The following CPLANE1 variants were observed in gnomAD, a reference collection of about 807,000 sequenced individuals.
The protein encoded by CPLANE1 is ciliogenesis and planar polarity effector complex subunit 1, also known as ciliogenesis and planar polarity effector 1.
Under a neutral mutation model 362.5 loss-of-function variants are expected in CPLANE1, and 263 were observed. The ratio of observed to expected loss-of-function variants is 0.73; its 90% CI spans 0.66 to 0.80. CPLANE1 has a LOEUF of 0.80. Ranked by LOEUF, CPLANE1 falls within the 30% of genes least tolerant of loss-of-function variation. CPLANE1 has a pLI of 0.00. For synonymous variants in CPLANE1, 1,212 were observed against 1,302.6 expected, an observed-to-expected ratio of 0.93 and a Z score of 1.50; for missense variants, 3,461 against 3,793.4, an observed-to-expected ratio of 0.91 and a Z score of 2.30.
At chr5:37,222,347 A>G (rs1378934171) in intron 14 of CPLANE1, among the ~76,000 whole-genome samples, 1 of 152,194 alleles carries the variant, frequency 6.6e-6, no homozygotes, top group African/African-American at 2.4e-5. Flanking sequence ...TGCCTAGAGC[A>G]TGGATGTGAT....
rs1376836151 is a variant in CPLANE1, at chr5:37,201,713, T to C, written c.3385A>G (p.Thr1129Ala). 6.2e-7 allele frequency: 1 copy of C among 1,614,110 alleles called. No homozygotes were observed. Among genetic ancestry groups the C allele is most frequent in the Non-Finnish European group, 8.5e-7 (1 of 1,179,950 alleles). Residue 1129 changes from threonine to alanine, a missense_variant, in exon 19 of 53, where the codon ACA (threonine) becomes GCA (alanine). Physicochemically the swap from Thr to Ala is moderately conservative, Grantham distance 58 (BLOSUM62 0). Transcript: ENST00000651892. ...VMADADILSE[T>A]FQLLIDSAKD... ...GCAGAGTCTATCAGAAGTTGAAATG[T>C]CTCCGAAAGAATATCTGCATCGGCC...
rs1157357610 is a variant in CPLANE1, at chr5:37,227,376, A to G, written c.1388T>C (p.Leu463Pro). The stretch of plus-strand genomic sequence containing the variant: ...TAGGGAATTCAGTGATCGCAAGTTC[A>G]GTCCTTTGCCTTTTGGCTAAAGAAG... ...VILSKPKGKG[L>P]NLRSLNSLRS... Residue 463 changes from leucine (L) to proline (P), a missense_variant, in exon 11 of 53, where the codon CTG (leucine) becomes CCG (proline). This residue lies in a region of CPLANE1 where 3,380 missense variants were observed against 3,666.1 expected (regional missense o/e 0.92). Coordinates refer to ENST00000651892, the MANE Select transcript of CPLANE1 (RefSeq NM_001384732.1). 4.6e-6 allele frequency: 7 copies of G among 1,538,376 alleles called. No individual in the cohort carries two copies. The Admixed American group carries it at 1.5e-4, about 32-fold the overall frequency.
At chr5:37,147,254 G>A (rs1378497097) in intron 43 of CPLANE1, among the ~76,000 whole-genome samples, 2 of 152,138 alleles carry the variant, frequency 1.3e-5, no homozygotes, top group Non-Finnish European at 2.9e-5. Context: ...ACTATCCTCA[G>A]CCACAAGGGA....
intron 51 of CPLANE1, among the ~76,000 whole-genome samples, chr5:37,113,965 A>G (rs542787653): frequency 1.3e-5 from 2 of 152,256 alleles, no homozygotes; most frequent in Non-Finnish European, 2.9e-5. Context: ...GGCACATGCC[A>G]CCACGCCCAG....
intron 43 of CPLANE1, among the ~76,000 whole-genome samples, chr5:37,145,772 A>G (rs1324092901): frequency 6.6e-6 from 1 of 152,228 alleles, no homozygotes; most frequent in Non-Finnish European, 1.5e-5. Context: ...TGGCAAAAAA[A>G]CCACCATGAA....
At chr5:37,223,224 A>T (rs1400453014) in intron 14 of CPLANE1, among the ~76,000 whole-genome samples, 1 of 152,148 alleles carries the variant, frequency 6.6e-6, no homozygotes, top group East Asian at 1.9e-4. Context: ...TACTCTGTTA[A>T]GTCATTCCCA....
intron 16 of CPLANE1, chr5:37,212,297 C>A: frequency 1.9e-6 from 2 of 1,042,326 alleles, no homozygotes; most frequent in South Asian, 1.3e-5. Context: ...TCCAGGAAGG[C>A]TCCCTAGTGG....
At chr5:37,080,909 A>G in the CPLANE1 span, among the ~76,000 whole-genome samples, 1 of 152,234 alleles carries the variant, frequency 6.6e-6, no homozygotes, top group Non-Finnish European at 1.5e-5. Context: ...CGCACTTACC[A>G]CATATTCAAG....
At chr5:37,091,194 CAG>C in the CPLANE1 span, among the ~76,000 whole-genome samples, 120 of 152,306 alleles carry the variant, frequency 7.9e-4, no homozygotes, top group African/African-American at 2.8e-3. Context: ...TTATGGCAAA[CAG>C]ATGTTACACA....
Position 37,239,810 on chromosome 5 carries a change from G to A in CPLANE1, c.737C>T (p.Pro246Leu). ...QQDCHLCSLI[P>L]KCESVKSRGA... ...TCTTGACTTTACTGATTCACATTTA[G>A]GAATTAAACTACAGAGATGACAGTC... The change falls in exon 7 of 53, where the codon CCT (proline) becomes CTT (leucine). Residue 246 changes from proline (P) to leucine (L), a missense_variant. This residue lies in a region of CPLANE1 where 3,380 missense variants were observed against 3,666.1 expected (regional missense o/e 0.92). Coordinates refer to ENST00000651892, the MANE Select transcript of CPLANE1 (RefSeq NM_001384732.1). 6.5e-7 allele frequency: 1 copy of A among 1,545,146 alleles called. No homozygotes were observed. Among genetic ancestry groups the A allele is most frequent in the Non-Finnish European group, 8.7e-7 (1 of 1,143,184 alleles).
intron 34 of CPLANE1, 135 bp downstream of exon 34, chr5:37,168,656 C>T (rs1453727998): frequency 1.3e-6 from 1 of 750,922 alleles, no homozygotes; most frequent in South Asian, 2.2e-5. Context: ...TATTTTAAAC[C>T]TAATTTTTAT....
chr5:37,221,283 T>G (rs766931104), intron 15 of CPLANE1, 41 bp downstream of exon 15: 37 of 1,370,960 alleles, frequency 2.7e-5, no homozygotes, highest in African/African-American at 4.5e-5. Context: ...GGAGACCCTG[T>G]CTCTTTTTAA....
At position 37,175,154 on chromosome 5, in the gene CPLANE1, C is replaced by T. The variant is rs530591792; in HGVS notation, c.5978+755G>A. 7.2e-4 allele frequency among the ~76,000 whole-genome samples: 109 copies of T among 152,288 alleles called. 2 individuals carry two copies. The South Asian group carries it at 0.022, about 31-fold the overall frequency. ...GGGGCTCCAGGGCTGTAGAGGTCCCCTTGGGCACAGGGTGGGTGCATTCAT... is the reference window on the plus strand; with the variant it reads ...GGGGCTCCAGGGCTGTAGAGGTCCCTTTGGGCACAGGGTGGGTGCATTCAT... On this transcript the variant is annotated intron_variant, in intron 31 of 52. Transcript: ENST00000651892.
rs186579388 is a variant in CPLANE1, at chr5:37,151,208, T to A, written c.8373+2532A>T. Among the ~76,000 whole-genome samples, 8 of 152,252 alleles carry A rather than the reference T, an allele frequency of 5.3e-5. No individual in the cohort carries two copies. The East Asian group carries it at 1.5e-3, about 29-fold the overall frequency. ...AATGCTCATACAGCTCCCCAAACACTCTATGCCATTTGGTACCTTTCTCCT... is the reference window on the plus strand; with the variant it reads ...AATGCTCATACAGCTCCCCAAACACACTATGCCATTTGGTACCTTTCTCCT... On this transcript the variant is annotated intron_variant, in intron 42 of 52. Transcript: ENST00000651892.
Position 37,245,698 on chromosome 5 carries a change from G to A in CPLANE1, c.217+12C>T. The A allele has an allele frequency of 1.3e-6, 2 of 1,496,400 alleles. No homozygotes were observed. Among genetic ancestry groups the A allele is most frequent in the South Asian group, 1.4e-5 (1 of 71,848 alleles). 92.7% of individuals were successfully genotyped at this position (1,496,400 alleles called of 1,614,324 possible). On this transcript the variant is annotated intron_variant, in intron 3 of 52. Coordinates refer to ENST00000651892, the MANE Select transcript of CPLANE1 (RefSeq NM_001384732.1). Reference sequence around the variant, plus strand: ...TAGTTTTAGCCATTTGAAAATATCAGTACTACTTAACCATTACTGGATGTT... The same window carrying A: ...TAGTTTTAGCCATTTGAAAATATCAATACTACTTAACCATTACTGGATGTT...
the CPLANE1 span, among the ~76,000 whole-genome samples, chr5:37,089,521 G>A: frequency 9.9e-5 from 15 of 152,004 alleles, no homozygotes; most frequent in Admixed American, 9.8e-4. Context: ...TTGAAAGCTG[G>A]GCATGTCGAA....
intron 17 of CPLANE1, 36 bp downstream of exon 17, chr5:37,206,161 T>G: frequency 7.8e-7 from 1 of 1,286,800 alleles, no homozygotes; most frequent in South Asian, 1.3e-5. Flanking sequence ...CATAGTTCAA[T>G]CATACTATAT....
chr5:37,206,641 A>G (rs1401467190), intron 16 of CPLANE1, among the ~76,000 whole-genome samples: 9 of 152,166 alleles, frequency 5.9e-5, no homozygotes. Flanking sequence ...TGCCAGCATT[A>G]TTTTAAAAAT....
chr5:37,175,672 G>C (rs533771528), intron 31 of CPLANE1, among the ~76,000 whole-genome samples: 1 of 152,260 alleles, frequency 6.6e-6, no homozygotes, highest in East Asian at 1.9e-4. Flanking sequence ...AGAAAAGACT[G>C]TTCAACATAG....
Sources: gnomAD v4.1 joint callset for allele counts (sites outside exome capture counted in the v4.1 genomes callset) on GRCh38, gnomAD v4.1.1 for gene constraint, gnomAD v4.1.1 regional missense constraint, MANE v1.5 for transcripts, NCBI Gene and HGNC (gene_info 2026-07-23, HGNC 2026-07-21) for gene names.